The following BCL2L14 variants were observed in gnomAD, a reference collection of about 807,000 sequenced individuals.
BCL2L14 encodes the protein BCL2 like 14, also known as apoptosis facilitator Bcl-2-like protein 14.
Under a neutral mutation model 35.3 loss-of-function variants are expected in BCL2L14, and 27 were observed. The ratio of observed to expected loss-of-function variants is 0.76; its 90% CI spans 0.56 to 1.05. The LOEUF (loss-of-function observed/expected upper bound fraction) is 1.05, where lower values mean the gene tolerates loss of function less well. Ranked by LOEUF, BCL2L14 falls within the 50% of genes least tolerant of loss-of-function variation. The probability of loss-of-function intolerance (pLI) is 0.00; values close to 1 mark genes in which losing one functional copy is unlikely to be tolerated. For missense variants in BCL2L14, 377 were observed against 382.6 expected, an observed-to-expected ratio of 0.99 and a Z score of 0.12; for synonymous variants, 139 against 145.9, an observed-to-expected ratio of 0.95 and a Z score of 0.34.
At chr12:12,076,059 G>A (rs73287700) in intron 1 of BCL2L14, among the ~76,000 whole-genome samples, 3,602 of 150,122 alleles carry the variant, frequency 0.024, 154 homozygotes, top group African/African-American at 0.085. Flanking sequence ...CAGATGTCCA[G>A]TACAAGCAGA....
upstream of BCL2L14, among the ~76,000 whole-genome samples, chr12:12,066,511 G>C (rs4622349): frequency 0.06 from 9,070 of 152,032 alleles, 283 homozygotes; most frequent in African/African-American, 0.073. Context: ...TTCCAGTGAT[G>C]ATATAAATCA....
chr12:12,050,580 T>C (rs1948337691), intron 1 of BCL2L14, among the ~76,000 whole-genome samples: 1 of 151,702 alleles, frequency 6.6e-6, no homozygotes, highest in Non-Finnish European at 1.5e-5. Context: ...CAGAAGCTTA[T>C]AGGAGTAGAC....
At chr12:12,095,830 T>G (rs2136785197) in intron 5 of BCL2L14, 1 of 985,388 alleles carries the variant, frequency 1.0e-6, no homozygotes, top group African/African-American at 1.7e-5. Context: ...GCCATGGTCT[T>G]CAGTGGCTGC....
chr12:12,058,105 C>G (rs569734276), intron 2 of BCL2L14, among the ~76,000 whole-genome samples: 1 of 151,662 alleles, frequency 6.6e-6, no homozygotes, highest in African/African-American at 2.4e-5. Flanking sequence ...TGTGCCACCA[C>G]GCCCAGCTAA....
At chr12:12,062,758 T>G (rs1948544358) in intron 2 of BCL2L14, among the ~76,000 whole-genome samples, 1 of 152,166 alleles carries the variant, frequency 6.6e-6, no homozygotes, top group Non-Finnish European at 1.5e-5. Context: ...ATTCCTCAGT[T>G]TAGCCTTCCC....
chr12:12,056,741 GA>G (rs1158605747), intron 2 of BCL2L14, among the ~76,000 whole-genome samples: 7 of 152,184 alleles, frequency 4.6e-5, no homozygotes, highest in African/African-American at 9.6e-5. Flanking sequence ...GCTGAGGCAG[GA>G]AAATCGCTTA....
Position 12,094,802 on chromosome 12 carries a change from G to A in BCL2L14, c.817G>A (p.Ala273Thr), listed in dbSNP as rs769850390. The A allele has an allele frequency of 5.6e-6, 9 of 1,614,212 alleles. No individual in the cohort carries two copies. In the South Asian group the frequency reaches 8.8e-5, roughly 16 times the overall value. The change falls in exon 5 of 6, where the codon GCC (alanine) becomes ACC (threonine). Residue 273 changes from alanine to threonine, a missense_variant. By Grantham distance (58) the Ala-to-Thr change is moderately conservative. Transcript: ENST00000308721. Reference protein sequence around the residue: ...SEVKAQGFKAALVIDVTAKLT... With the variant: ...SEVKAQGFKATLVIDVTAKLT... ...GGTCAAAGCTCAGGGCTTTAAGGCT[G>A]CCCTTGTAATAGACGTCACGGCCAA...
At chr12:12,096,358 G>A in intron 5 of BCL2L14, among the ~76,000 whole-genome samples, 1 of 142,284 alleles carries the variant, frequency 7.0e-6, no homozygotes, top group East Asian at 2.1e-4. Flanking sequence ...TACACCAAAA[G>A]CACAAGCAAC....
At chr12:12,061,325 C>T (rs1030042698) in intron 2 of BCL2L14, among the ~76,000 whole-genome samples, 6 of 151,642 alleles carry the variant, frequency 4.0e-5, no homozygotes, top group African/African-American at 1.2e-4. Context: ...ATCACACACC[C>T]CTTACCATCT....
At chr12:12,068,278 C>T (rs989563907), upstream of BCL2L14, 1 of 397,700 alleles carries the variant, frequency 2.5e-6, no homozygotes, top group Non-Finnish European at 4.4e-6. Flanking sequence ...GTTTCAGCAA[C>T]AAACATTGTT....
chr12:12,095,785 G>C, intron 5 of BCL2L14: 1 of 985,394 alleles, frequency 1.0e-6, no homozygotes, highest in South Asian at 4.7e-5. Flanking sequence ...TGGAAGGAAA[G>C]TGCAGCTGAT....
chr12:12,075,117 CTTTTT>C (rs1948751931), intron 1 of BCL2L14, among the ~76,000 whole-genome samples: 1 of 150,156 alleles, frequency 6.7e-6, no homozygotes, highest in Non-Finnish European at 1.5e-5. Context: ...TCTTTTTTTT[CTTTTT>C]ATTTATTTAT....
Position 12,090,829 on chromosome 12 carries a change from G to A in BCL2L14, c.658G>A (p.Gly220Arg). The A allele has an allele frequency of 6.2e-7, 1 of 1,613,198 alleles. No homozygotes were observed. The highest frequency in any genetic ancestry group is 1.1e-5 in the South Asian group (1 of 90,916). ...AKIVELLKYS[G>R]DQLERKLKKD... ...AATTGTTGAGCTGCTGAAATATTCA[G>A]GAGATCAGTTGGAAAGAAAGGTATG... The change falls in exon 4 of 6, where the codon GGA becomes AGA. Residue 220 changes from glycine to arginine, a missense_variant. Gly to Arg is a moderately radical substitution (Grantham distance 125). Transcript: ENST00000308721.
In BCL2L14 at chr12:12,062,766, C is replaced by T. The variant is rs560569233; in HGVS notation, c.-272+10919C>T. Reference sequence around the variant, plus strand: ...AGACATAATTCCTCAGTTTAGCCTTCCCACCTCTATACAGTCTGATAACAG... The same window carrying T: ...AGACATAATTCCTCAGTTTAGCCTTTCCACCTCTATACAGTCTGATAACAG... On this transcript the variant is annotated intron_variant, in intron 2 of 3. Coordinates refer to the BCL2L14 transcript ENST00000461264. Among the ~76,000 whole-genome samples, 12 of 152,278 alleles carry T rather than the reference C, an allele frequency of 7.9e-5. No individual in the cohort carries two copies. In the South Asian group the frequency reaches 2.3e-3, roughly 29 times the overall value.
At chr12:12,050,793 T>TAAAAAAAAAAAAAAAAAAAAAAAAAA (rs3052084) in intron 1 of BCL2L14, among the ~76,000 whole-genome samples, 5 of 88,292 alleles carry the variant, frequency 5.7e-5, no homozygotes, top group African/African-American at 1.5e-4. Context: ...GCTGATGAGC[T>TAAAAAAAAAAAAAAAAAAAAAAAAAA]AAAAAAAAAA....
intron 2 of BCL2L14, among the ~76,000 whole-genome samples, chr12:12,064,059 C>T (rs945718451): frequency 6.6e-6 from 1 of 152,194 alleles, no homozygotes; most frequent in African/African-American, 2.4e-5. Context: ...AGTCTCTTCA[C>T]ATGGACATGC....
upstream of BCL2L14, among the ~76,000 whole-genome samples, chr12:12,069,373 G>C (rs1948630486): frequency 6.6e-6 from 1 of 151,982 alleles, no homozygotes; most frequent in Non-Finnish European, 1.5e-5. Flanking sequence ...TGTTTCCAGT[G>C]AATATATCTC....
At chr12:12,077,419 C>T (rs921970749) in intron 1 of BCL2L14, among the ~76,000 whole-genome samples, 2 of 151,702 alleles carry the variant, frequency 1.3e-5, no homozygotes, top group African/African-American at 4.8e-5. Flanking sequence ...GTGGCATGTG[C>T]CTGTGTTCCC....
At chr12:12,073,556 CCA>C (rs146431306) in intron 1 of BCL2L14, among the ~76,000 whole-genome samples, 8 of 151,548 alleles carry the variant, frequency 5.3e-5, no homozygotes, top group African/African-American at 1.9e-4. Context: ...ACTCCCCCCG[CCA>C]CACACACACA....
Sources: allele counts gnomAD v4.1 joint callset (sites outside exome capture counted in the v4.1 genomes callset), GRCh38; gene constraint gnomAD v4.1.1; transcripts MANE v1.5; gene names NCBI Gene and HGNC (gene_info 2026-07-23, HGNC 2026-07-21).